Variants in KIAA0586 observed in about 807,000 individuals in gnomAD.
The protein encoded by KIAA0586 is KIAA0586.
In KIAA0586, 144 loss-of-function variants were observed where a neutral mutation model predicts 169.8. That is an observed-to-expected ratio of 0.85 (90% CI 0.74 to 0.97). The LOEUF is 0.97. Among genes scored for constraint, KIAA0586 ranks in the 50% least tolerant of loss-of-function variants. The pLI is 0.00. For missense variants in KIAA0586, 1,854 were observed against 1,823.0 expected, an observed-to-expected ratio of 1.02 and a Z score of -0.31; for synonymous variants, 625 against 612.4, an observed-to-expected ratio of 1.02 and a Z score of -0.30.
intron 20 of KIAA0586, among the ~76,000 whole-genome samples, chr14:58,479,947 TGGATAGTGAA>T: frequency 6.6e-6 from 1 of 152,314 alleles, no homozygotes; most frequent in East Asian, 1.9e-4. Context: ...CACTTGAAAT[TGGATAGTGAA>T]AGTTTTTCTA....
intron 18 of KIAA0586, among the ~76,000 whole-genome samples, chr14:58,473,771 T>A (rs1359426623): frequency 6.6e-6 from 1 of 151,688 alleles, no homozygotes; most frequent in Non-Finnish European, 1.5e-5. Flanking sequence ...CTAGGCATAG[T>A]GGTGGGCGCC....
chr14:58,533,519 G>A (rs1229680679), intron 29 of KIAA0586, among the ~76,000 whole-genome samples: 1 of 152,052 alleles, frequency 6.6e-6, no homozygotes, highest in Non-Finnish European at 1.5e-5. Flanking sequence ...ATTCTCTGGG[G>A]CAGGGGCCTG....
chr14:58,467,705 T>A, intron 15 of KIAA0586, 30 bp from the exon 16 acceptor site: 1 of 1,527,338 alleles, frequency 6.5e-7, no homozygotes, highest in Non-Finnish European at 8.9e-7. Flanking sequence ...TCTGAACTAG[T>A]TGACTTATTT....
intron 4 of KIAA0586, chr14:58,440,288 T>TTCTCTCTCTCTC: frequency 2.7e-6 from 1 of 373,140 alleles, no homozygotes; most frequent in Non-Finnish European, 5.3e-6. Context: ...CTTTTCTTCT[T>TTCTCTCTCTCTC]TCTCTCTCTC....
chr14:58,541,500 G>T (rs1331982261), intron 30 of KIAA0586, among the ~76,000 whole-genome samples: 1 of 152,144 alleles, frequency 6.6e-6, no homozygotes, highest in Non-Finnish European at 1.5e-5. Flanking sequence ...GTGCAGTCTG[G>T]TAAGTGCTGC....
In KIAA0586 at chr14:58,461,165, G is replaced by C; in HGVS notation, c.2059+5G>C. Reference sequence around the variant, plus strand: ...AAGTAATAGAACGAGTTAAAGGTAAGGAATCTCATTTTTAATGTTTAATCT... The same window carrying C: ...AAGTAATAGAACGAGTTAAAGGTAACGAATCTCATTTTTAATGTTTAATCT... On this transcript the variant is annotated splice_donor_5th_base_variant and intron_variant, in intron 14 of 30. Transcript: ENST00000652326. 6.5e-7 allele frequency: 1 copy of C among 1,539,748 alleles called. No homozygotes were observed. The highest frequency in any genetic ancestry group is 8.7e-7 in the Non-Finnish European group (1 of 1,146,504).
intron 4 of KIAA0586, among the ~76,000 whole-genome samples, chr14:58,438,662 G>A (rs1475542025): frequency 1.3e-5 from 2 of 152,188 alleles, no homozygotes; most frequent in Non-Finnish European, 2.9e-5. Flanking sequence ...TCCGTTGATA[G>A]GTAGTAAATG....
Position 58,549,577 on chromosome 14 carries a change from A to C in KIAA0586, c.*1645A>C, listed in dbSNP as rs1334162862. 1.3e-5 allele frequency: 2 copies of C among 152,186 alleles called. No homozygotes were observed. Among genetic ancestry groups the C allele is most frequent in the Admixed American group, 1.3e-4 (2 of 15,282 alleles). 9.4% of individuals were successfully genotyped at this position (152,186 alleles called of 1,614,324 possible). On this transcript the variant is annotated 3_prime_UTR_variant, in exon 31 of 31. Coordinates refer to ENST00000652326, the MANE Select transcript of KIAA0586 (RefSeq NM_001329943.3). The stretch of plus-strand genomic sequence containing the variant: ...TGGTTACTGGAATGTTTTAGGTTTC[A>C]CTTTAGAACCCGTTTTCTTTGATAT...
At chr14:58,455,129 AATT>A (rs2039710279) in intron 9 of KIAA0586, among the ~76,000 whole-genome samples, 1 of 152,168 alleles carries the variant, frequency 6.6e-6, no homozygotes, top group Non-Finnish European at 1.5e-5. Context: ...CCCTCTAGTG[AATT>A]ATACATTTCA....
At chr14:58,555,525 T>G (rs1219807149), downstream of KIAA0586, among the ~76,000 whole-genome samples, 1 of 152,208 alleles carries the variant, frequency 6.6e-6, no homozygotes, top group Non-Finnish European at 1.5e-5. Flanking sequence ...CTGAAAGGGC[T>G]TTGAGGAGTT....
At chr14:58,520,476 C>A (rs1038489262) in intron 29 of KIAA0586, among the ~76,000 whole-genome samples, 1 of 151,816 alleles carries the variant, frequency 6.6e-6, no homozygotes, top group East Asian at 1.9e-4. Flanking sequence ...GCTTCTTTCA[C>A]TTAACATAAT....
intron 21 of KIAA0586, among the ~76,000 whole-genome samples, chr14:58,485,831 T>C (rs761553032): frequency 6.6e-6 from 1 of 152,084 alleles, no homozygotes; most frequent in African/African-American, 2.4e-5. Flanking sequence ...TATACTCAGT[T>C]TGTGTGTGTG....
downstream of KIAA0586, among the ~76,000 whole-genome samples, chr14:58,553,070 G>A (rs181388682): frequency 3.3e-5 from 5 of 152,192 alleles, no homozygotes; most frequent in Admixed American, 2.0e-4. Flanking sequence ...CCCAATAGTC[G>A]GACGGGTTAT....
intron 4 of KIAA0586, among the ~76,000 whole-genome samples, chr14:58,436,710 G>A (rs151100285): frequency 3.3e-5 from 5 of 152,264 alleles, no homozygotes; most frequent in Non-Finnish European, 4.4e-5. Context: ...CATACACACA[G>A]AATTAAGGAT....
At chr14:58,529,456 A>C (rs2045816095) in intron 29 of KIAA0586, among the ~76,000 whole-genome samples, 1 of 152,234 alleles carries the variant, frequency 6.6e-6, no homozygotes, top group Non-Finnish European at 1.5e-5. Flanking sequence ...AAAAATCCTC[A>C]ATAAAATACT....
At chr14:58,445,760 C>T (rs1595124877) in intron 6 of KIAA0586, among the ~76,000 whole-genome samples, 1 of 145,762 alleles carries the variant, frequency 6.9e-6, no homozygotes, top group East Asian at 2.0e-4. Context: ...ACTCCTAGAA[C>T]ACGACTTAGC....
intron 4 of KIAA0586, among the ~76,000 whole-genome samples, chr14:58,435,382 C>T (rs892218342): frequency 6.6e-6 from 1 of 152,010 alleles, no homozygotes; most frequent in Non-Finnish European, 1.5e-5. Flanking sequence ...TTGTAGGGTA[C>T]GTAGTGTTGT....
At chr14:58,522,365 G>T (rs1595476660) in intron 29 of KIAA0586, among the ~76,000 whole-genome samples, 1 of 152,186 alleles carries the variant, frequency 6.6e-6, no homozygotes, top group Admixed American at 6.5e-5. Flanking sequence ...TAACTGCAAA[G>T]GCAATCTCCT....
At chr14:58,542,341 G>A (rs373676369) in intron 30 of KIAA0586, among the ~76,000 whole-genome samples, 50 of 152,230 alleles carry the variant, frequency 3.3e-4, no homozygotes, top group African/African-American at 1.2e-3. Context: ...GCTGGGTGCG[G>A]TGGCACACGC....
Sources: allele counts gnomAD v4.1 joint callset (sites outside exome capture counted in the v4.1 genomes callset), GRCh38; gene constraint gnomAD v4.1.1; transcripts MANE v1.5; gene names NCBI Gene and HGNC (gene_info 2026-07-23, HGNC 2026-07-21).